ABCG1: variants seen among roughly 807,000 people sequenced by gnomAD.
The protein encoded by ABCG1 is ATP binding cassette subfamily G member 1, also known as ATP-binding cassette sub-family G member 1.
A neutral mutation model predicts 69.2 loss-of-function variants in ABCG1; 29 were observed. That is an observed-to-expected ratio of 0.42 (90% confidence interval 0.31 to 0.57). The LOEUF is 0.57. ABCG1 is among the 20% of genes least tolerant of loss of function. ABCG1 has a pLI of 0.15. For synonymous variants in ABCG1, 370 were observed against 374.8 expected, an observed-to-expected ratio of 0.99 and a Z score of 0.15; for missense variants, 718 against 898.1, an observed-to-expected ratio of 0.80 and a Z score of 2.56.
upstream of ABCG1, among the ~76,000 whole-genome samples, chr21:42,212,894 C>T (rs551239203): frequency 8.5e-5 from 13 of 152,188 alleles, no homozygotes; most frequent in East Asian, 3.9e-4. Flanking sequence ...GGGGTTTCAC[C>T]ATGTTAGCCA....
intron 2 of ABCG1, chr21:42,259,268 A>G (rs998563798): frequency 8.7e-6 from 13 of 1,495,490 alleles, no homozygotes; most frequent in Non-Finnish European, 1.2e-5. Flanking sequence ...CCTGGAGACC[A>G]GATCTGTGCT....
At chr21:42,257,616 C>T (rs1449404931) in intron 2 of ABCG1, among the ~76,000 whole-genome samples, 2 of 152,212 alleles carry the variant, frequency 1.3e-5, no homozygotes, top group African/African-American at 4.8e-5. Flanking sequence ...CCAGCCTCCT[C>T]ACTTTGGCCA....
chr21:42,293,903 C>A (rs2069148225), intron 13 of ABCG1, among the ~76,000 whole-genome samples: 1 of 151,170 alleles, frequency 6.6e-6, no homozygotes, highest in Non-Finnish European at 1.5e-5. Flanking sequence ...ACACCACACA[C>A]CACACACCGC....
chr21:42,280,108 C>G (rs1487335341), intron 5 of ABCG1, among the ~76,000 whole-genome samples: 1 of 152,240 alleles, frequency 6.6e-6, no homozygotes, highest in Non-Finnish European at 1.5e-5. Context: ...CACGCTGCGT[C>G]CTGCACATGC....
chr21:42,238,583 A>G (rs934627143), intron 2 of ABCG1, among the ~76,000 whole-genome samples: 31 of 152,232 alleles, frequency 2.0e-4, no homozygotes, highest in Admixed American at 2.0e-3. Context: ...CAAGCTTTGC[A>G]TCTTTGAACT....
chr21:42,239,259 A>C (rs1009188178), intron 2 of ABCG1, among the ~76,000 whole-genome samples: 5 of 152,216 alleles, frequency 3.3e-5, no homozygotes, highest in African/African-American at 1.2e-4. Flanking sequence ...ATTAATAATA[A>C]AAATATCCAT....
At chr21:42,267,948 C>G (rs2068544120) in intron 2 of ABCG1, among the ~76,000 whole-genome samples, 1 of 151,014 alleles carries the variant, frequency 6.6e-6, no homozygotes, top group Non-Finnish European at 1.5e-5. Context: ...TGGGTTCTGT[C>G]TAAGTTCTGG....
intron 4 of ABCG1, among the ~76,000 whole-genome samples, chr21:42,275,847 C>T (rs1480723384): frequency 6.6e-6 from 1 of 152,222 alleles, no homozygotes; most frequent in African/African-American, 2.4e-5. Context: ...TTGCGGAGTC[C>T]GGATCCCACA....
At chr21:42,271,685 C>A (rs542819998) in intron 3 of ABCG1, among the ~76,000 whole-genome samples, 18 of 152,176 alleles carry the variant, frequency 1.2e-4, no homozygotes, top group Admixed American at 3.9e-4. Flanking sequence ...AGTTCTAGAC[C>A]AGCCTGGCCA....
At chr21:42,261,101 A>G (rs928691355) in intron 2 of ABCG1, among the ~76,000 whole-genome samples, 8 of 152,056 alleles carry the variant, frequency 5.3e-5, no homozygotes, top group Non-Finnish European at 7.4e-5. Context: ...GATTACAGGC[A>G]TGAGTCACCG....
chr21:42,291,721 G>C lies in ABCG1; in HGVS notation c.1653+65G>C. The C allele has an allele frequency of 6.7e-7, 1 of 1,483,708 alleles. No individual in the cohort carries two copies. Among genetic ancestry groups the C allele is most frequent in the Non-Finnish European group, 9.0e-7 (1 of 1,115,914 alleles). The allele number at this position is 1,483,708 out of a possible 1,614,324, so 91.9% of individuals were successfully genotyped here. On this transcript the variant is annotated intron_variant, in intron 13 of 14. Coordinates refer to ENST00000398449, the MANE Select transcript of ABCG1 (RefSeq NM_016818.3). The surrounding 1 kb of genome is among the most constrained non-coding windows in gnomAD (Gnocchi z 6.4). Reference sequence around the variant, plus strand: ...GGGCTTCCCTGAGCTACCTTGGCCTGAGCTAGGGGGCTCTGCCACCCCTTC... The same window carrying C: ...GGGCTTCCCTGAGCTACCTTGGCCTCAGCTAGGGGGCTCTGCCACCCCTTC...
intron 2 of ABCG1, among the ~76,000 whole-genome samples, chr21:42,231,350 G>A (rs1044719590): frequency 1.3e-5 from 2 of 152,196 alleles, no homozygotes; most frequent in Non-Finnish European, 2.9e-5. Flanking sequence ...ACATGGTGAC[G>A]CTCTGATGGA....
At chr21:42,271,868 G>C (rs192870863) in intron 3 of ABCG1, among the ~76,000 whole-genome samples, 1 of 152,330 alleles carries the variant, frequency 6.6e-6, no homozygotes, top group Admixed American at 6.5e-5. Context: ...TGGGTGACAA[G>C]AGCGAGACTC....
chr21:42,287,616 T>C lies in ABCG1; in HGVS notation c.974-273T>C, dbSNP rs942467238. Among the ~76,000 whole-genome samples the C allele has an allele frequency of 6.6e-6, 1 of 152,010 alleles. No homozygotes were observed. The highest frequency in any genetic ancestry group is 1.5e-5 in the Non-Finnish European group (1 of 67,974). ...CAGTAAGTACCGGCTGGATGAGCAG[T>C]CGGTAGATGCAGGAGCTCATTACTT... On this transcript the variant is annotated intron_variant, in intron 8 of 14. Coordinates refer to ENST00000398449, the MANE Select transcript of ABCG1 (RefSeq NM_016818.3). This position sits in a 1 kb window ranked among gnomAD's most constrained non-coding sequence, Gnocchi z 6.2.
chr21:42,292,648 C>CCACACTACACACCACA (rs1269002560), intron 13 of ABCG1, among the ~76,000 whole-genome samples: 1 of 144,564 alleles, frequency 6.9e-6, no homozygotes, highest in Non-Finnish European at 1.5e-5. Flanking sequence ...TACACACACA[C>CCACACTACACACCACA]CACACTACAC....
At chr21:42,290,297 C>A in intron 11 of ABCG1, 79 bp downstream of exon 11, 1 of 1,469,976 alleles carries the variant, frequency 6.8e-7, no homozygotes, top group South Asian at 1.3e-5. Context: ...CACGCCTTGA[C>A]CAACAGATGA....
chr21:42,281,529 C>A (rs1483432204), intron 5 of ABCG1, among the ~76,000 whole-genome samples: 1 of 152,362 alleles, frequency 6.6e-6, no homozygotes, highest in African/African-American at 2.4e-5. Context: ...TGGCGTGCAG[C>A]CTGCTTCCCA....
Position 42,288,340 on chromosome 21 carries a change from GCT to G in ABCG1, c.1224+29_1224+30del, listed in dbSNP as rs1196657947. On this transcript the variant is annotated intron_variant, in intron 10 of 14. Transcript: ENST00000398449. This position sits in a 1 kb window ranked among gnomAD's most constrained non-coding sequence, Gnocchi z 4.8. Reference sequence around the variant, plus strand: ...AAGGCTGCCCGCATCTTCTCCTGTAGCTGGGGAACCCGTGGGTCATTTTCTCA... The same window carrying G: ...AAGGCTGCCCGCATCTTCTCCTGTAGGGGGAACCCGTGGGTCATTTTCTCA... 6.5e-7 allele frequency: 1 copy of G among 1,547,438 alleles called. No individual in the cohort carries two copies. Among genetic ancestry groups the G allele is most frequent in the East Asian group, 2.3e-5 (1 of 44,306 alleles).
intron 2 of ABCG1, among the ~76,000 whole-genome samples, chr21:42,228,555 A>ACTTGCCTTAAC (rs2067853752): frequency 3.9e-5 from 6 of 152,200 alleles, no homozygotes; most frequent in Admixed American, 3.9e-4. Context: ...TGGTTAAGGG[A>ACTTGCCTTAAC]CTTGCCCATG....
Sources: gnomAD v4.1 joint callset for allele counts (sites outside exome capture counted in the v4.1 genomes callset) on GRCh38, gnomAD v4.1.1 for gene constraint, Gnocchi (gnomAD v3.1) non-coding constraint, MANE v1.5 for transcripts, NCBI Gene and HGNC (gene_info 2026-07-23, HGNC 2026-07-21) for gene names.